TFDP1: variants seen among roughly 807,000 people sequenced by gnomAD.
TFDP1 encodes transcription factor Dp-1.
In TFDP1, 6 loss-of-function variants were observed where a neutral mutation model predicts 48.0. That is an observed-to-expected ratio of 0.13 (90% confidence interval 0.07 to 0.25). The LOEUF (loss-of-function observed/expected upper bound fraction) is 0.25. TFDP1 is among the 10% of genes least tolerant of loss of function. TFDP1 has a pLI of 1.00. For synonymous variants in TFDP1, 201 were observed against 211.6 expected (o/e 0.95, Z 0.44); for missense variants, 335 against 543.0 (o/e 0.62, Z 3.81).
At chr13:113,587,383 G>A (rs1229651414) in intron 2 of TFDP1, among the ~76,000 whole-genome samples, 2 of 152,226 alleles carry the variant, frequency 1.3e-5, no homozygotes. Context: ...CAGCTGGTGA[G>A]GCCTTCCCTG....
chr13:113,639,939 G>A (rs553057208), intron 11 of TFDP1, among the ~76,000 whole-genome samples, 181 bp from the exon 12 acceptor site: 139 of 152,368 alleles, frequency 9.1e-4, no homozygotes, highest in Non-Finnish European at 1.7e-3. Context: ...GACAGAGATG[G>A]AGTAAGTGCC....
At chr13:113,612,853 A>T (rs1347912830) in intron 3 of TFDP1, among the ~76,000 whole-genome samples, 1 of 152,234 alleles carries the variant, frequency 6.6e-6, no homozygotes, top group Admixed American at 6.5e-5. Flanking sequence ...GAGCCGGCCC[A>T]GCAGGGCCGT....
intron 2 of TFDP1, among the ~76,000 whole-genome samples, chr13:113,592,604 C>T (rs1051379001): frequency 1.3e-5 from 2 of 152,212 alleles, no homozygotes; most frequent in Admixed American, 6.5e-5. Flanking sequence ...ATTAACATCG[C>T]GTCACTGGGG....
intron 3 of TFDP1, among the ~76,000 whole-genome samples, chr13:113,615,048 G>A (rs1173217206): frequency 6.6e-6 from 1 of 152,172 alleles, no homozygotes; most frequent in Non-Finnish European, 1.5e-5. Flanking sequence ...ACCCTTCGAG[G>A]CTTAGAAGGC....
intron 4 of TFDP1, among the ~76,000 whole-genome samples, chr13:113,625,129 TCTCAGGTGTCTCTCACGTGTC>T (rs2049107358): frequency 2.1e-5 from 2 of 95,724 alleles, no homozygotes; most frequent in Non-Finnish European, 4.0e-5. Flanking sequence ...CTCAGGTGTC[TCTCAGGTGTCTCTCACGTGTC>T]CTCAGGTGTC....
intron 2 of TFDP1, among the ~76,000 whole-genome samples, chr13:113,587,792 C>T (rs1412975339): frequency 6.6e-6 from 1 of 152,044 alleles, no homozygotes; most frequent in Middle Eastern, 3.2e-3. Flanking sequence ...AGAGGTGTGA[C>T]ATTTGAGTTT....
intron 2 of TFDP1, among the ~76,000 whole-genome samples, chr13:113,605,752 C>T (rs1228031607): frequency 1.3e-5 from 2 of 152,222 alleles, no homozygotes; most frequent in Non-Finnish European, 2.9e-5. Context: ...CCCTTATTTC[C>T]ATCCTCCTGG....
At position 113,627,893 on chromosome 13, in the gene TFDP1, C is replaced by T. The variant is rs897455295; in HGVS notation, c.187-3730C>T. Among the ~76,000 whole-genome samples, 1 of 152,170 alleles carries T rather than the reference C, an allele frequency of 6.6e-6. No individual in the cohort carries two copies. Among genetic ancestry groups the T allele is most frequent in the Non-Finnish European group, 1.5e-5 (1 of 68,022 alleles). On this transcript the variant is annotated intron_variant, in intron 4 of 11. Coordinates refer to ENST00000375370, the MANE Select transcript of TFDP1 (RefSeq NM_007111.5). This position sits in a 1 kb window ranked among gnomAD's most constrained non-coding sequence, Gnocchi z 4.1. ...CCCTGATACCAAAAAGGTGGGGGATCGCTGCTTTAAACACCAAGGCTCACT... is the reference window on the plus strand; with the variant it reads ...CCCTGATACCAAAAAGGTGGGGGATTGCTGCTTTAAACACCAAGGCTCACT...
At chr13:113,611,128 A>C in intron 3 of TFDP1, 66 bp downstream of exon 3, 1 of 1,450,262 alleles carries the variant, frequency 6.9e-7, no homozygotes, top group African/African-American at 1.4e-5. Context: ...ATGTTTATGA[A>C]GCTGTTGACG....
intron 11 of TFDP1, among the ~76,000 whole-genome samples, chr13:113,638,272 C>T (rs116443461): frequency 0.014 from 2,162 of 151,738 alleles, 49 homozygotes; most frequent in African/African-American, 0.05. Flanking sequence ...TTTTTCAGAA[C>T]GCGTCTGCGG....
rs2047955637 is a variant in TFDP1 at position 113,584,852 on chromosome 13, C to T, written c.-101C>T. ...CCCCGCGCTCCGCACCGCGCCCTCTCCGCGTCCCCGCCCGCGCGGCCGGAC... is the reference window on the plus strand; with the variant it reads ...CCCCGCGCTCCGCACCGCGCCCTCTTCGCGTCCCCGCCCGCGCGGCCGGAC... On this transcript the variant is annotated 5_prime_UTR_variant, in exon 1 of 12. Transcript: ENST00000375370. 1 of 146,376 alleles carries T rather than the reference C, an allele frequency of 6.8e-6. No individual in the cohort carries two copies. The highest frequency in any genetic ancestry group is 6.8e-5 in the Admixed American group (1 of 14,746). The allele number at this position is 146,376 out of a possible 1,614,324, so 9.1% of individuals were successfully genotyped here. A position where few individuals can be genotyped will look rare whatever the true frequency, so the allele number is the denominator to read the frequency against.
chr13:113,629,229 C>A (rs1340546569), intron 4 of TFDP1, among the ~76,000 whole-genome samples: 1 of 152,216 alleles, frequency 6.6e-6, no homozygotes, highest in Non-Finnish European at 1.5e-5. Context: ...CGGGGCCTTC[C>A]GCAGGGAGCA....
At chr13:113,610,203 G>A (rs1423573342) in intron 2 of TFDP1, among the ~76,000 whole-genome samples, 3 of 148,110 alleles carry the variant, frequency 2.0e-5, no homozygotes, top group African/African-American at 7.5e-5. Flanking sequence ...TGGCTGTACC[G>A]TTATGCGTGT....
At chr13:113,602,695 G>A (rs1284059445) in intron 2 of TFDP1, among the ~76,000 whole-genome samples, 2 of 152,196 alleles carry the variant, frequency 1.3e-5, no homozygotes, top group Admixed American at 1.3e-4. Context: ...CTGTGACAGA[G>A]ACTGGGTGAC....
chr13:113,597,389 C>A (rs578260231), intron 2 of TFDP1, among the ~76,000 whole-genome samples: 19 of 152,334 alleles, frequency 1.2e-4, no homozygotes, highest in African/African-American at 4.3e-4. Context: ...GCCTGGACCC[C>A]GTCGCGCTGT....
intron 3 of TFDP1, among the ~76,000 whole-genome samples, chr13:113,615,852 C>T (rs1464678219): frequency 1.3e-5 from 2 of 152,092 alleles, no homozygotes; most frequent in African/African-American, 4.8e-5. Context: ...GTCGAGGCTG[C>T]AGTGAGTTGT....
chr13:113,618,871 C>G (rs905534667), intron 3 of TFDP1, among the ~76,000 whole-genome samples: 5 of 152,240 alleles, frequency 3.3e-5, no homozygotes, highest in African/African-American at 9.6e-5. Flanking sequence ...GGCAGAATTG[C>G]AGAATGCGAG....
Position 113,605,074 on chromosome 13 carries a change from T to C in TFDP1, c.13-5922T>C, listed in dbSNP as rs189735998. On this transcript the variant is annotated intron_variant, in intron 2 of 11. Coordinates refer to ENST00000375370, the MANE Select transcript of TFDP1 (RefSeq NM_007111.5). ...TTGACGGCAAATGGGAATTAAATCA[T>C]GGCATCGTCACTGTCTTTTTTAGGG... Among the ~76,000 whole-genome samples the C allele has an allele frequency of 2.7e-4, 41 of 152,234 alleles. No homozygotes were observed. In the East Asian group the frequency reaches 7.7e-3, roughly 29 times the overall value.
chr13:113,639,895 A>C (rs1165159732), intron 11 of TFDP1, among the ~76,000 whole-genome samples: 1 of 152,214 alleles, frequency 6.6e-6, no homozygotes, highest in Non-Finnish European at 1.5e-5. Context: ...TTCTGTCGTT[A>C]TGGGTTCCAG....
Sources: allele counts gnomAD v4.1 joint callset (sites outside exome capture counted in the v4.1 genomes callset), GRCh38; gene constraint gnomAD v4.1.1; non-coding constraint Gnocchi (gnomAD v3.1); transcripts MANE v1.5; gene names NCBI Gene and HGNC (gene_info 2026-07-23, HGNC 2026-07-21).